VPS8: variants seen among roughly 807,000 people sequenced by gnomAD.
VPS8 encodes the protein vacuolar protein sorting-associated protein 8 homolog.
A neutral mutation model predicts 216.4 loss-of-function variants in VPS8; 129 were observed. The observed-to-expected ratio is 0.60, with a 90% CI of 0.52 to 0.69. The LOEUF is 0.69. Ranked by LOEUF, VPS8 falls within the 30% of genes least tolerant of loss-of-function variation. The pLI, the probability that VPS8 is intolerant of heterozygous loss-of-function variation, is 0.00. For missense variants in VPS8, 1,531 were observed against 1,683.5 expected, an observed-to-expected ratio of 0.91 and a Z score of 1.59; for synonymous variants, 571 against 565.4, an observed-to-expected ratio of 1.01 and a Z score of -0.14.
intron 46 of VPS8, among the ~76,000 whole-genome samples, chr3:185,039,974 T>C (rs10937195): frequency 0.23 from 34,958 of 152,066 alleles, 5,305 homozygotes; most frequent in East Asian, 0.53. Flanking sequence ...TCGTAGATTG[T>C]TTTTAACTCT....
intron 35 of VPS8, among the ~76,000 whole-genome samples, chr3:184,939,840 T>G (rs1027739522): frequency 6.6e-6 from 1 of 152,112 alleles, no homozygotes; most frequent in Admixed American, 6.5e-5. Context: ...AAGGTGAAAC[T>G]GATCAGTGCA....
intron 45 of VPS8, 92 bp from the exon 46 acceptor site, chr3:185,024,244 A>G (rs1757046204): frequency 8.6e-7 from 1 of 1,156,326 alleles, no homozygotes; most frequent in African/African-American, 1.6e-5. Context: ...TATCTTAGTT[A>G]TACCAATTCT....
intron 39 of VPS8, among the ~76,000 whole-genome samples, chr3:184,970,449 A>G (rs1343921994): frequency 2.0e-5 from 3 of 152,240 alleles, no homozygotes; most frequent in Non-Finnish European, 2.9e-5. Flanking sequence ...GGAAAATTAC[A>G]GAACTATTTG....
At chr3:184,834,777 C>T in intron 5 of VPS8, 35 bp downstream of exon 5, 5 of 1,470,834 alleles carry the variant, frequency 3.4e-6, no homozygotes, top group Non-Finnish European at 4.6e-6. Flanking sequence ...AACTTTGTAA[C>T]CTGCAATGGC....
In VPS8 at chr3:184,930,558, A is replaced by G. The variant is rs1301257307; in HGVS notation, c.2888A>G (p.Asp963Gly). 6 of 1,612,246 alleles carry G rather than the reference A, an allele frequency of 3.7e-6. No individual in the cohort carries two copies. The highest frequency in any genetic ancestry group is 5.1e-6 in the Non-Finnish European group (6 of 1,178,452). The change falls in exon 34 of 48, where the codon GAT (aspartate) becomes GGT (glycine). Residue 963 changes from aspartate (D) to glycine (G), a missense_variant. Physicochemically the swap from Asp to Gly is moderately conservative, Grantham distance 94. Coordinates refer to ENST00000625842, the MANE Select transcript of VPS8 (RefSeq NM_001009921.3). ...EKQSVWQKAMDHIEELVSLKP... is the reference protein window; with the variant it reads ...EKQSVWQKAMGHIEELVSLKP... Reference sequence around the variant, plus strand: ...CAGTCTGTATGGCAGAAAGCAATGGATCATATTGAGGTACTGATGCGCAAA... The same window carrying G: ...CAGTCTGTATGGCAGAAAGCAATGGGTCATATTGAGGTACTGATGCGCAAA...
chr3:184,894,484 T>TTATATATATGTATATATACACACGTA (rs1732957200), intron 22 of VPS8, among the ~76,000 whole-genome samples: 1 of 133,574 alleles, frequency 7.5e-6, no homozygotes, highest in Non-Finnish European at 1.6e-5. Context: ...AATTGAGATT[T>TTATATATATGTATATATACACACGTA]TATATATATG....
chr3:184,982,854 T>C (rs763194670), intron 41 of VPS8, among the ~76,000 whole-genome samples, 158 bp from the exon 42 acceptor site: 1 of 152,218 alleles, frequency 6.6e-6, no homozygotes, highest in Non-Finnish European at 1.5e-5. Flanking sequence ...TTGTAGTCTT[T>C]GTAACTTGTC....
chr3:184,980,439 A>G (rs1750013437), intron 40 of VPS8, among the ~76,000 whole-genome samples: 1 of 152,140 alleles, frequency 6.6e-6, no homozygotes. Context: ...CAGGAATGCC[A>G]AAGGTTTGGT....
chr3:184,824,349 C>T (rs1718249473), intron 1 of VPS8, 196 bp from the exon 2 acceptor site: 1 of 279,034 alleles, frequency 3.6e-6, no homozygotes, highest in Admixed American at 4.7e-5. Flanking sequence ...CCCAAGTTAG[C>T]TGTTCCTCCT....
At chr3:184,980,375 G>A (rs898620743) in intron 40 of VPS8, among the ~76,000 whole-genome samples, 2 of 151,888 alleles carry the variant, frequency 1.3e-5, no homozygotes, top group Non-Finnish European at 2.9e-5. Context: ...AAATTTTTGT[G>A]GACAGTATCC....
At chr3:184,964,981 T>G (rs955035254) in intron 38 of VPS8, among the ~76,000 whole-genome samples, 2 of 152,166 alleles carry the variant, frequency 1.3e-5, no homozygotes, top group Non-Finnish European at 2.9e-5. Flanking sequence ...CAAATAGCAA[T>G]TCTATTTTTA....
chr3:185,044,248 G>A (rs1164332952), intron 46 of VPS8, among the ~76,000 whole-genome samples: 1 of 152,172 alleles, frequency 6.6e-6, no homozygotes, highest in Non-Finnish European at 1.5e-5. Flanking sequence ...CCGAGAGAAT[G>A]GCAGACGAAA....
At chr3:184,929,482 AC>A in intron 32 of VPS8, 97 bp from the exon 33 acceptor site, 1 of 699,988 alleles carries the variant, frequency 1.4e-6, no homozygotes. Context: ...GAGCCAGGAC[AC>A]CTGGCCCACT....
At chr3:184,919,933 A>G (rs1313865781) in intron 28 of VPS8, among the ~76,000 whole-genome samples, 194 bp from the exon 29 acceptor site, 1 of 152,044 alleles carries the variant, frequency 6.6e-6, no homozygotes, top group Admixed American at 6.5e-5. Flanking sequence ...AATACTGTGC[A>G]ATATTAAATG....
intron 40 of VPS8, chr3:184,982,284 T>C (rs941261601): frequency 2.8e-6 from 1 of 352,056 alleles, no homozygotes; most frequent in Admixed American, 4.5e-5. Flanking sequence ...ACACATAAGA[T>C]TGCAGTTCCG....
chr3:184,983,568 G>A (rs2109763974), intron 42 of VPS8, among the ~76,000 whole-genome samples: 1 of 152,180 alleles, frequency 6.6e-6, no homozygotes, highest in African/African-American at 2.4e-5. Flanking sequence ...TGTGTCCAAA[G>A]CTTTTGTAGG....
At chr3:185,030,573 A>G (rs1158959195) in intron 46 of VPS8, among the ~76,000 whole-genome samples, 1 of 152,348 alleles carries the variant, frequency 6.6e-6, no homozygotes, top group East Asian at 1.9e-4. Flanking sequence ...GAGTCCATTC[A>G]GTAAATATTC....
chr3:185,018,771 G>C (rs1004331817), intron 45 of VPS8, among the ~76,000 whole-genome samples: 1 of 152,170 alleles, frequency 6.6e-6, no homozygotes, highest in African/African-American at 2.4e-5. Flanking sequence ...AATCTGGGGG[G>C]TGTATTCTAA....
At chr3:184,825,562 T>A (rs1251746811) in intron 2 of VPS8, among the ~76,000 whole-genome samples, 1 of 152,212 alleles carries the variant, frequency 6.6e-6, no homozygotes, top group Non-Finnish European at 1.5e-5. Flanking sequence ...AGATGTTGTT[T>A]TGTCATGTTT....
Sources: allele counts gnomAD v4.1 joint callset (sites outside exome capture counted in the v4.1 genomes callset), GRCh38; gene constraint gnomAD v4.1.1; transcripts MANE v1.5; gene names NCBI Gene and HGNC (gene_info 2026-07-23, HGNC 2026-07-21).